SCART1: variants seen among roughly 807,000 people sequenced by gnomAD.
SCART1 encodes the protein scavenger receptor family member expressed on T cells 1, also known as scavenger receptor cysteine-rich domain-containing protein SCART1.
SCART1 carries 62 observed loss-of-function variants against 36.2 expected under a neutral mutation model. The ratio of observed to expected loss-of-function variants is 1.71; its 90% CI spans 1.40 to 2.12. The LOEUF (loss-of-function observed/expected upper bound fraction) is 2.12. Among genes scored for constraint, SCART1 ranks in the 30% most tolerant of loss-of-function variants. The pLI is 0.00. For missense variants in SCART1, 1,041 were observed against 540.5 expected (o/e 1.93, Z -9.18); for synonymous variants, 487 against 238.7 (o/e 2.04, Z -9.59).
At chr10:133,455,662 G>A (rs1850599287) in intron 1 of SCART1, among the ~76,000 whole-genome samples, 1 of 152,058 alleles carries the variant, frequency 6.6e-6, no homozygotes, top group African/African-American at 2.4e-5. Context: ...AGAAGGTGCT[G>A]GAGTAGCTGA....
At chr10:133,461,241 C>A (rs561014555) in intron 6 of SCART1, among the ~76,000 whole-genome samples, 1 of 149,908 alleles carries the variant, frequency 6.7e-6, no homozygotes, top group African/African-American at 2.5e-5. Context: ...GCCTCCTGAG[C>A]GGGTCACGGG....
At position 133,465,468 on chromosome 10, in the gene SCART1, GT is replaced by G. The variant is rs1850754799; in HGVS notation, c.2563del (p.Cys855AlafsTer70). On this transcript the variant is annotated frameshift_variant, in exon 9 of 12. Coordinates refer to ENST00000640237, the Ensembl canonical transcript of SCART1. LOFTEE classifies it high-confidence loss of function. ...GGCCCGTGTGGCTGGACGAGGTGGGGTGCCGGGGCAGCGAGGCGTCCCTGTG... is the reference window on the plus strand; with the variant it reads ...GGCCCGTGTGGCTGGACGAGGTGGGGGCCGGGGCAGCGAGGCGTCCCTGTG... 1.9e-6 allele frequency: 1 copy of G among 525,280 alleles called. No individual in the cohort carries two copies. The highest frequency in any genetic ancestry group is 2.0e-5 in the African/African-American group (1 of 49,234). 32.5% of individuals were successfully genotyped at this position (525,280 alleles called of 1,614,324 possible).
exon 10 of SCART1, chr10:133,466,357 C>G (rs529589603): frequency 1.4e-5 from 10 of 702,822 alleles, no homozygotes; most frequent in Non-Finnish European, 2.3e-5. Flanking sequence ...GATTCTGCCT[C>G]GAGTCACACA....
At position 133,459,490 on chromosome 10, in the gene SCART1, T is replaced by C. The variant is rs1169492803; in HGVS notation, c.1289T>C (p.Leu430Pro). 4 of 639,214 alleles carry C rather than the reference T, an allele frequency of 6.3e-6. No homozygotes were observed. The Admixed American group carries it at 9.8e-5, about 16-fold the overall frequency. 39.6% of individuals were successfully genotyped at this position (639,214 alleles called of 1,614,324 possible). A position where few individuals can be genotyped will look rare whatever the true frequency, so the allele number is the denominator to read the frequency against. Residue 430 changes from leucine (L) to proline (P), a missense_variant, in exon 6 of 12, where the codon CTG becomes CCG. Leu to Pro is a moderately conservative substitution (Grantham distance 98). Transcript: ENST00000640237. ...CCCTGTGCGTCCCCATCCCCAGGTC[T>C]GGCCCACGCCCTGCGACTGAGGGAA...
At chr10:133,465,964 T>C in intron 9 of SCART1, 1 of 670,200 alleles carries the variant, frequency 1.5e-6, no homozygotes, top group Non-Finnish European at 2.7e-6. Flanking sequence ...TGTGCTCTGG[T>C]CACCTCTTGT....
chr10:133,455,840 A>C (rs565528950), intron 1 of SCART1, among the ~76,000 whole-genome samples: 1 of 152,046 alleles, frequency 6.6e-6, no homozygotes, highest in Non-Finnish European at 1.5e-5. Flanking sequence ...GGGTGTGGAC[A>C]GTCACGTGGG....
exon 3 of SCART1, chr10:133,457,365 C>T (rs1049156627): frequency 4.7e-5 from 33 of 701,458 alleles, no homozygotes; most frequent in Non-Finnish European, 1.3e-5. Context: ...TGGGGTGGAC[C>T]GCCTCTGTGT....
chr10:133,460,496 A>ATATATATATATTTTTTTTTT, intron 6 of SCART1, among the ~76,000 whole-genome samples: 1 of 136,006 alleles, frequency 7.4e-6, no homozygotes, highest in South Asian at 2.7e-4. Context: ...ATATTTATAT[A>ATATATATATATTTTTTTTTT]TTTTAAAAAA....
chr10:133,466,037 GC>G, intron 9 of SCART1, 197 bp from the exon 10 acceptor site: 1 of 650,486 alleles, frequency 1.5e-6, no homozygotes, highest in Admixed American at 2.3e-5. Context: ...TCCCTTGAAA[GC>G]AGACACCCCC....
intron 3 of SCART1, 176 bp downstream of exon 3, chr10:133,457,751 T>C (rs1850637988): frequency 1.8e-6 from 1 of 560,682 alleles, no homozygotes; most frequent in African/African-American, 1.9e-5. Flanking sequence ...CTCAGCAGAG[T>C]GGAGCTGAGT....
chr10:133,464,077 C>G (rs1217264424), intron 6 of SCART1, among the ~76,000 whole-genome samples: 2 of 152,084 alleles, frequency 1.3e-5, no homozygotes, highest in Non-Finnish European at 2.9e-5. Context: ...TGCTATTTAG[C>G]TTTCTAGCTT....
chr10:133,455,111 A>G (rs563804203), intron 1 of SCART1, among the ~76,000 whole-genome samples: 1 of 152,246 alleles, frequency 6.6e-6, no homozygotes, highest in South Asian at 2.1e-4. Flanking sequence ...TACTAAAAAT[A>G]CAAAAATTAG....
intron 6 of SCART1, among the ~76,000 whole-genome samples, chr10:133,462,541 A>G (rs1316495101): frequency 6.6e-6 from 1 of 152,220 alleles, no homozygotes; most frequent in Non-Finnish European, 1.5e-5. Flanking sequence ...TGCGTAACAT[A>G]TGTGAAATTA....
chr10:133,457,977 G>A, intron 3 of SCART1: 1 of 518,804 alleles, frequency 1.9e-6, no homozygotes. Context: ...ATGAGGAGCA[G>A]CTGAAATGAG....
chr10:133,462,109 TC>T (rs1458618105), intron 6 of SCART1, among the ~76,000 whole-genome samples: 1 of 152,200 alleles, frequency 6.6e-6, no homozygotes, highest in Non-Finnish European at 1.5e-5. Context: ...CAGGGCTGCA[TC>T]CCCCGGGTGG....
At chr10:133,460,103 G>A in exon 6 of SCART1, 1 of 518,846 alleles carries the variant, frequency 1.9e-6, no homozygotes, top group Non-Finnish European at 3.4e-6. Context: ...CGCTGTGGCA[G>A]TGCCCGTCGG....
intron 6 of SCART1, 57 bp downstream of exon 6, chr10:133,460,227 C>T (rs1246915668): frequency 1.2e-5 from 5 of 423,390 alleles, no homozygotes; most frequent in Non-Finnish European, 2.1e-5. Flanking sequence ...CAGTCATGCG[C>T]ACTTGCTTTC....
intron 9 of SCART1, chr10:133,465,881 AAC>A (rs1336239304): frequency 1.5e-6 from 1 of 684,780 alleles, no homozygotes; most frequent in East Asian, 2.8e-5. Context: ...GCAGAAAACA[AAC>A]AGTTAACCAC....
Position 133,465,184 on chromosome 10 carries a change from T to G in SCART1, c.2344+10T>G, listed in dbSNP as rs1404935194. ...TGGCTCGGCTGCCCAGGTACCCCTCTGTCCTTGTCGCTGTCCTCCTTCCCA... is the reference window on the plus strand; with the variant it reads ...TGGCTCGGCTGCCCAGGTACCCCTCGGTCCTTGTCGCTGTCCTCCTTCCCA... On this transcript the variant is annotated intron_variant, in intron 8 of 11. Coordinates refer to ENST00000640237, the Ensembl canonical transcript of SCART1. 1.4e-6 allele frequency: 1 copy of G among 703,040 alleles called. No homozygotes were observed. Among genetic ancestry groups the G allele is most frequent in the East Asian group, 2.7e-5 (1 of 37,272 alleles). The allele number at this position is 703,040 out of a possible 1,614,324, so 43.6% of individuals were successfully genotyped here.
Sources: gnomAD v4.1 joint callset for allele counts (sites outside exome capture counted in the v4.1 genomes callset) on GRCh38, gnomAD v4.1.1 for gene constraint, MANE v1.5 for transcripts, NCBI Gene and HGNC (gene_info 2026-07-23, HGNC 2026-07-21) for gene names.